HAVCR2: variants seen among roughly 807,000 people sequenced by gnomAD.
HAVCR2 encodes T cell immunoglobulin mucin 3.
In HAVCR2, 13 loss-of-function variants were observed where a neutral mutation model predicts 24.7. That is an observed-to-expected ratio of 0.53 (90% CI 0.34 to 0.84). HAVCR2 has a LOEUF of 0.84. HAVCR2 is among the 40% of genes least tolerant of loss of function. The probability of loss-of-function intolerance (pLI) is 0.01; values close to 1 mark genes in which losing one functional copy is unlikely to be tolerated. For synonymous variants in HAVCR2, 154 were observed against 143.4 expected (o/e 1.07, Z -0.53); for missense variants, 343 against 371.2 (o/e 0.92, Z 0.62).
At chr5:157,108,868 T>C in intron 1 of HAVCR2, 58 bp downstream of exon 1, 2 of 1,519,404 alleles carry the variant, frequency 1.3e-6, no homozygotes, top group Non-Finnish European at 1.8e-6. Context: ...CTTGTATCTC[T>C]CCCTTGTCCT....
At chr5:157,087,765 G>A (rs184656397) in intron 6 of HAVCR2, among the ~76,000 whole-genome samples, 4 of 152,020 alleles carry the variant, frequency 2.6e-5, no homozygotes, top group South Asian at 2.1e-4. Context: ...ATTAGCCAGC[G>A]TGGTGGCATG....
chr5:157,093,210 C>G (rs1205756311), intron 5 of HAVCR2, among the ~76,000 whole-genome samples: 1 of 151,612 alleles, frequency 6.6e-6, no homozygotes, highest in Non-Finnish European at 1.5e-5. Context: ...TCTGAATAAT[C>G]CATTTAACCA....
Position 157,092,138 on chromosome 5 carries a change from T to TTA in HAVCR2, c.677-3163_677-3162dup, listed in dbSNP as rs56964780. Among the ~76,000 whole-genome samples, 696 of 146,332 alleles carry TTA rather than the reference T, an allele frequency of 4.8e-3. 4 individuals are homozygous for TTA. The highest frequency in any genetic ancestry group is 0.015 in the African/African-American group (602 of 40,302). On this transcript the variant is annotated intron_variant, in intron 5 of 6. Coordinates refer to ENST00000307851, the MANE Select transcript of HAVCR2 (RefSeq NM_032782.5). The stretch of plus-strand genomic sequence containing the variant: ...CTAATATGTATAAATTATGGTCATA[T>TTA]TATATATATATATATATATATATAT...
At chr5:157,098,332 G>A (rs912204915) in intron 4 of HAVCR2, among the ~76,000 whole-genome samples, 1 of 151,930 alleles carries the variant, frequency 6.6e-6, no homozygotes, top group Non-Finnish European at 1.5e-5. Flanking sequence ...GCTTGAACCC[G>A]GGAGGCGGAG....
intron 5 of HAVCR2, 94 bp downstream of exon 5, chr5:157,095,212 G>C (rs537669831): frequency 8.4e-6 from 11 of 1,304,266 alleles, no homozygotes; most frequent in South Asian, 4.0e-5. Flanking sequence ...AATCATCTTT[G>C]GGTATAAACA....
intron 4 of HAVCR2, 147 bp from the exon 5 acceptor site, chr5:157,095,606 G>C: frequency 1.2e-6 from 1 of 841,370 alleles, no homozygotes; most frequent in Non-Finnish European, 1.8e-6. Context: ...TCACCTTGTA[G>C]CCAACACTCA....
chr5:157,095,638 C>T (rs1757085701), intron 4 of HAVCR2, among the ~76,000 whole-genome samples, 179 bp from the exon 5 acceptor site: 1 of 151,562 alleles, frequency 6.6e-6, no homozygotes, highest in Non-Finnish European at 1.5e-5. Flanking sequence ...GAAAGGGTCT[C>T]CCTTAACCTT....
chr5:157,086,877 A>G lies in HAVCR2; in HGVS notation c.*225T>C. The G allele has an allele frequency of 2.0e-6, 1 of 493,530 alleles. No homozygotes were observed. The highest frequency in any genetic ancestry group is 3.5e-6 in the Non-Finnish European group (1 of 282,632). 30.6% of individuals were successfully genotyped at this position (493,530 alleles called of 1,614,324 possible). On this transcript the variant is annotated 3_prime_UTR_variant, in exon 7 of 7. Transcript: ENST00000307851. Reference sequence around the variant, plus strand: ...TTGAGCTCTAACATCCATGATTAACAGTCTCTGGGTTGGGTAACTCTGTTG... The same window carrying G: ...TTGAGCTCTAACATCCATGATTAACGGTCTCTGGGTTGGGTAACTCTGTTG...
intron 5 of HAVCR2, among the ~76,000 whole-genome samples, chr5:157,090,051 GT>G (rs1193849130): frequency 1.3e-5 from 2 of 150,994 alleles, no homozygotes; most frequent in Non-Finnish European, 2.9e-5. Context: ...CTGGATCAAG[GT>G]CTTTCAAGGT....
At chr5:157,098,780 G>T in intron 4 of HAVCR2, 78 bp downstream of exon 4, 1 of 1,314,544 alleles carries the variant, frequency 7.6e-7, no homozygotes, top group Non-Finnish European at 1.1e-6. Context: ...CAAGGACAAG[G>T]TGGGCATGAA....
intron 6 of HAVCR2, among the ~76,000 whole-genome samples, chr5:157,088,040 C>T (rs1369457909): frequency 6.6e-6 from 1 of 152,164 alleles, no homozygotes; most frequent in Non-Finnish European, 1.5e-5. Flanking sequence ...TCATTGCAGC[C>T]TTCATCTCCT....
At chr5:157,098,625 G>A (rs1364555102) in intron 4 of HAVCR2, among the ~76,000 whole-genome samples, 3 of 152,154 alleles carry the variant, frequency 2.0e-5, no homozygotes, top group Non-Finnish European at 4.4e-5. Flanking sequence ...CTTCTTTGTG[G>A]TTTTCAAGCT....
rs1757072273 is a variant in HAVCR2 at position 157,094,933 on chromosome 5, G to T, written c.676+373C>A. ...AACCTAGACATATTCATGAATTAAA[G>T]AAATTAGTTTACTGGAATCAGCCTG... On this transcript the variant is annotated intron_variant, in intron 5 of 6. Coordinates refer to ENST00000307851, the MANE Select transcript of HAVCR2 (RefSeq NM_032782.5). Among the ~76,000 whole-genome samples, 3 of 152,138 alleles carry T rather than the reference G, an allele frequency of 2.0e-5. No homozygotes were observed. The South Asian group carries it at 6.2e-4, about 32-fold the overall frequency.
At chr5:157,090,122 C>CT (rs869177923) in intron 5 of HAVCR2, among the ~76,000 whole-genome samples, 29,528 of 65,810 alleles carry the variant, frequency 0.45, 7,228 homozygotes, top group East Asian at 0.57. Flanking sequence ...CTTTTCTTTT[C>CT]TTTTTTTTTT....
chr5:157,095,311 A>G lies in HAVCR2; in HGVS notation c.671T>C (p.Phe224Ser), dbSNP rs769464107. 8 of 1,613,394 alleles carry G rather than the reference A, an allele frequency of 5.0e-6. No individual in the cohort carries two copies. In the South Asian group the frequency reaches 6.6e-5, roughly 13 times the overall value. The change falls in exon 5 of 7, where the codon TTC becomes TCC. Residue 224 changes from phenylalanine (F) to serine (S), a missense_variant. Coordinates refer to ENST00000307851, the MANE Select transcript of HAVCR2 (RefSeq NM_032782.5). The stretch of plus-strand genomic sequence containing the variant: ...AGAGAAACAAAAACACTTACATTTG[A>G]AAATTAAAGCGCCGAAGATAAGAGC... ...ALALIFGALI[F>S]KWYSHSKEKI...
intron 6 of HAVCR2, 100 bp from the exon 7 acceptor site, chr5:157,087,394 A>G: frequency 5.3e-6 from 5 of 947,480 alleles, no homozygotes; most frequent in Non-Finnish European, 7.8e-6. Flanking sequence ...AACTAAATAT[A>G]GTGCATGATC....
chr5:157,097,941 T>C (rs890880397), intron 4 of HAVCR2, among the ~76,000 whole-genome samples: 8 of 151,884 alleles, frequency 5.3e-5, no homozygotes, highest in Non-Finnish European at 8.8e-5. Flanking sequence ...GACAGTAAAA[T>C]TGAGGTTTAT....
rs1301196621 is a variant in HAVCR2 at position 157,102,093 on chromosome 5, T to C, written c.478+2573A>G. 2.0e-5 allele frequency among the ~76,000 whole-genome samples: 3 copies of C among 152,034 alleles called. No individual in the cohort carries two copies. The East Asian group carries it at 5.8e-4, about 29-fold the overall frequency. On this transcript the variant is annotated intron_variant, in intron 3 of 6. Coordinates refer to ENST00000307851, the MANE Select transcript of HAVCR2 (RefSeq NM_032782.5). ...CTGGAATTATAGGCATGCACCACCA[T>C]GACCAGCTAATTTTTGTATTTTTAG... is the stretch of plus-strand genomic sequence containing the variant.
At chr5:157,094,748 C>A (rs1432061288) in intron 5 of HAVCR2, among the ~76,000 whole-genome samples, 1 of 151,776 alleles carries the variant, frequency 6.6e-6, no homozygotes, top group African/African-American at 2.4e-5. Flanking sequence ...TTAGAAAAAG[C>A]TATGTGCTAA....
Sources: allele counts gnomAD v4.1 joint callset (sites outside exome capture counted in the v4.1 genomes callset), GRCh38; gene constraint gnomAD v4.1.1; transcripts MANE v1.5; gene names NCBI Gene and HGNC (gene_info 2026-07-23, HGNC 2026-07-21).